The following SMIM22 variants were observed in gnomAD, a reference collection of about 807,000 sequenced individuals.
SMIM22 encodes the protein small integral membrane protein 22, also known as cancer associated small integral membrane open reading frame 1.
SMIM22 carries 16 observed loss-of-function variants against 8.4 expected under a neutral mutation model. The observed-to-expected ratio is 1.90, with a 90% CI of 1.29 to 2.89. The LOEUF is 2.89. Among genes scored for constraint, SMIM22 ranks in the 30% most tolerant of loss-of-function variants. The probability of loss-of-function intolerance (pLI) is 0.00; values close to 1 mark genes in which losing one functional copy is unlikely to be tolerated. For synonymous variants in SMIM22, 67 were observed against 47.6 expected, an observed-to-expected ratio of 1.41 and a Z score of -1.68; for missense variants, 159 against 107.5, an observed-to-expected ratio of 1.48 and a Z score of -2.12.
At chr16:4,789,516 C>G (rs868557347) in intron 2 of SMIM22, among the ~76,000 whole-genome samples, 12 of 151,998 alleles carry the variant, frequency 7.9e-5, no homozygotes, top group African/African-American at 2.9e-4. Context: ...TTAGTAGAGA[C>G]TGGTTTTCCC....
upstream of SMIM22, chr16:4,795,150 C>G (rs2082612542): frequency 1.4e-5 from 2 of 140,352 alleles, no homozygotes; most frequent in Non-Finnish European, 3.1e-5. Context: ...TTCACGAAGT[C>G]AGCAGTGGCC....
At chr16:4,789,586 A>G (rs777768597) in intron 2 of SMIM22, among the ~76,000 whole-genome samples, 1 of 152,106 alleles carries the variant, frequency 6.6e-6, no homozygotes, top group Non-Finnish European at 1.5e-5. Context: ...TCGGCCTCCC[A>G]AAGTGCTGGG....
chr16:4,796,480 G>A lies in SMIM22; in HGVS notation c.*249G>A, dbSNP rs1252127154. On this transcript the variant is annotated 3_prime_UTR_variant, in exon 4 of 4. Coordinates refer to ENST00000586005, the MANE Select transcript of SMIM22 (RefSeq NM_001253794.2). ...CACCTATAATCCCAGCACTTTGGGA[G>A]GCCGAGGTGGGCGGATCACGAGGTC... The A allele has an allele frequency of 2.6e-5, 13 of 503,238 alleles. No homozygotes were observed. Among genetic ancestry groups the A allele is most frequent in the Non-Finnish European group, 3.6e-5 (10 of 280,378 alleles). The allele number at this position is 503,238 out of a possible 1,614,324, so 31.2% of individuals were successfully genotyped here.
intron 1 of SMIM22, 82 bp from the exon 2 acceptor site, chr16:4,795,633 G>A: frequency 2.0e-5 from 29 of 1,467,820 alleles, no homozygotes; most frequent in Non-Finnish European, 2.5e-5. Context: ...AGCGGGCAGT[G>A]GCTGGGCTGT....
upstream of SMIM22, among the ~76,000 whole-genome samples, chr16:4,791,307 C>T (rs1031117326): frequency 6.6e-5 from 10 of 152,142 alleles, no homozygotes; most frequent in Non-Finnish European, 1.2e-4. Context: ...AGGGAAAAAA[C>T]GATCTATGCA....
chr16:4,795,899 C>T lies in SMIM22; in HGVS notation c.124+41C>T, dbSNP rs1456647303. On this transcript the variant is annotated intron_variant, in intron 2 of 3. Coordinates refer to ENST00000586005, the MANE Select transcript of SMIM22 (RefSeq NM_001253794.2). ...GCCTCTGGGTCCTCCCAGCCCCCTG[C>T]CCTGGGCTCCAGGTTGGGGCCACAC... The T allele has an allele frequency of 3.9e-6, 6 of 1,531,480 alleles. No homozygotes were observed. The Admixed American group carries it at 5.9e-5, about 15-fold the overall frequency. 94.9% of individuals were successfully genotyped at this position (1,531,480 alleles called of 1,614,324 possible). A position where few individuals can be genotyped will look rare whatever the true frequency, so the allele number is the denominator to read the frequency against.
chr16:4,795,632 T>C, intron 1 of SMIM22, 83 bp from the exon 2 acceptor site: 2 of 1,462,412 alleles, frequency 1.4e-6, no homozygotes, highest in Non-Finnish European at 1.8e-6. Context: ...GAGCGGGCAG[T>C]GGCTGGGCTG....
chr16:4,796,291 T>G lies in SMIM22; in HGVS notation c.*60T>G. On this transcript the variant is annotated 3_prime_UTR_variant, in exon 4 of 4. Transcript: ENST00000586005. ...CTTCTGTCTGCCCAGAGCCTGAGTCTGCAGTGTCTTCCAGTCCCCGTCTGG... is the reference window on the plus strand; with the variant it reads ...CTTCTGTCTGCCCAGAGCCTGAGTCGGCAGTGTCTTCCAGTCCCCGTCTGG... The G allele has an allele frequency of 7.2e-6, 11 of 1,523,628 alleles. No homozygotes were observed. The highest frequency in any genetic ancestry group is 9.7e-6 in the Non-Finnish European group (11 of 1,138,618). The allele number at this position is 1,523,628 out of a possible 1,614,324, so 94.4% of individuals were successfully genotyped here.
upstream of SMIM22, among the ~76,000 whole-genome samples, chr16:4,794,424 C>CTTT (rs535561223): frequency 7.8e-6 from 1 of 127,478 alleles, no homozygotes; most frequent in Non-Finnish European, 1.7e-5. Context: ...GTATTTTTAT[C>CTTT]TTTTTTTTTT....
upstream of SMIM22, among the ~76,000 whole-genome samples, chr16:4,794,548 G>A (rs4360941): frequency 6.6e-6 from 1 of 151,856 alleles, no homozygotes; most frequent in Non-Finnish European, 1.5e-5. Context: ...AGCCTCCCTA[G>A]TAGCTGGGAT....
upstream of SMIM22, among the ~76,000 whole-genome samples, chr16:4,792,679 G>C (rs928592052): frequency 2.0e-5 from 3 of 151,156 alleles, no homozygotes; most frequent in African/African-American, 7.3e-5. Flanking sequence ...GTGCACGCTT[G>C]AAATCCCAGT....
upstream of SMIM22, among the ~76,000 whole-genome samples, chr16:4,791,163 T>C (rs2082544909): frequency 6.6e-6 from 1 of 152,148 alleles, no homozygotes; most frequent in Admixed American, 6.6e-5. Context: ...ATTCTGAAAA[T>C]CGTGGCGGTG....
rs1284327270 is a variant in SMIM22 at position 4,796,293 on chromosome 16, C to T, written c.*62C>T. On this transcript the variant is annotated 3_prime_UTR_variant, in exon 4 of 4. Coordinates refer to ENST00000586005, the MANE Select transcript of SMIM22 (RefSeq NM_001253794.2). ...TCTGTCTGCCCAGAGCCTGAGTCTG[C>T]AGTGTCTTCCAGTCCCCGTCTGGGT... 1 of 1,516,938 alleles carries T rather than the reference C, an allele frequency of 6.6e-7. No individual in the cohort carries two copies. The highest frequency in any genetic ancestry group is 8.8e-7 in the Non-Finnish European group (1 of 1,133,800). 94.0% of individuals were successfully genotyped at this position (1,516,938 alleles called of 1,614,324 possible).
At chr16:4,792,069 T>C (rs1219015519), upstream of SMIM22, among the ~76,000 whole-genome samples, 2 of 151,898 alleles carry the variant, frequency 1.3e-5, no homozygotes, top group African/African-American at 4.8e-5. Context: ...ACAACAAACA[T>C]TAGAAACAAG....
chr16:4,790,959 G>A (rs529231247), upstream of SMIM22, among the ~76,000 whole-genome samples: 2 of 152,332 alleles, frequency 1.3e-5, no homozygotes, highest in South Asian at 4.1e-4. Flanking sequence ...GCCCTTGAGG[G>A]ATTCAGCACG....
At chr16:4,795,532 G>T in intron 1 of SMIM22, 83 bp downstream of exon 1, 1 of 719,794 alleles carries the variant, frequency 1.4e-6, no homozygotes, top group Non-Finnish European at 2.2e-6. Flanking sequence ...GTCAGGGTAA[G>T]GACCACAGGG....
rs1462593554 is a variant in SMIM22 at position 4,795,703 on chromosome 16, G to A, written c.-20-12G>A. On this transcript the variant is annotated splice_polypyrimidine_tract_variant and intron_variant, in intron 1 of 3. Coordinates refer to ENST00000586005, the MANE Select transcript of SMIM22 (RefSeq NM_001253794.2). ...CCAGGATCCTGATGCAGCCTCTGGG[G>A]GACCGGGGCAGGTGGCACGGTGCAC... 6.5e-7 allele frequency: 1 copy of A among 1,533,238 alleles called. No individual in the cohort carries two copies. Among genetic ancestry groups the A allele is most frequent in the East Asian group, 2.4e-5 (1 of 40,904 alleles). The allele number at this position is 1,533,238 out of a possible 1,614,324, so 95.0% of individuals were successfully genotyped here.
chr16:4,792,316 G>A (rs1003198237), upstream of SMIM22, among the ~76,000 whole-genome samples: 4 of 151,408 alleles, frequency 2.6e-5, no homozygotes, highest in African/African-American at 7.3e-5. Flanking sequence ...TCAGCCTCCC[G>A]AGTAGCTGGG....
chr16:4,789,731 T>C (rs2082521168), intron 2 of SMIM22, among the ~76,000 whole-genome samples: 1 of 151,872 alleles, frequency 6.6e-6, no homozygotes. Context: ...AATGCTGAGA[T>C]TACAGACGTG....
Sources: gnomAD v4.1 joint callset for allele counts (sites outside exome capture counted in the v4.1 genomes callset) on GRCh38, gnomAD v4.1.1 for gene constraint, MANE v1.5 for transcripts, NCBI Gene and HGNC (gene_info 2026-07-23, HGNC 2026-07-21) for gene names.